The following ASPHD1 variants were observed in gnomAD, a reference collection of about 807,000 sequenced individuals.
ASPHD1 encodes aspartate beta-hydroxylase domain-containing protein 1.
A neutral mutation model predicts 28.3 loss-of-function variants in ASPHD1; 20 were observed. The observed-to-expected ratio is 0.71, with a 90% CI of 0.50 to 1.03. ASPHD1 has a LOEUF of 1.03. Among genes scored for constraint, ASPHD1 ranks in the 50% least tolerant of loss-of-function variants. The pLI is 0.00. For missense variants in ASPHD1, 479 were observed against 524.1 expected (o/e 0.91, Z 0.84); for synonymous variants, 240 against 221.2 (o/e 1.08, Z -0.75).
rs773698016 is a variant in ASPHD1 at position 29,901,747 on chromosome 16, G to A, written c.776G>A (p.Arg259Gln). Residue 259 changes from arginine (R) to glutamine (Q), a missense_variant, in exon 1 of 3, where the codon CGG becomes CAG. Physicochemically the swap from Arg to Gln is conservative, Grantham distance 43 (BLOSUM62 1). Coordinates refer to ENST00000308748, the MANE Select transcript of ASPHD1 (RefSeq NM_181718.4). This position sits in a 1 kb window ranked among gnomAD's most constrained non-coding sequence, Gnocchi z 5.1. ...CYQLLLYQAG[R>Q]CQPSNCRRCP... ...CAGCTCCTGCTGTACCAAGCAGGCC[G>A]GTGCCAACCCAGCAACTGCCGCCGG... 18 of 1,552,468 alleles carry A rather than the reference G, an allele frequency of 1.2e-5. No individual in the cohort carries two copies. In the African/African-American group the frequency reaches 1.8e-4, roughly 15 times the overall value.
intron 3 of ASPHD1, chr16:29,912,042 CT>C (rs766440565): frequency 1.9e-6 from 3 of 1,604,268 alleles, no homozygotes; most frequent in Admixed American, 1.7e-5. Flanking sequence ...CAGCGTCTCC[CT>C]TTTTTGCTGG....
intron 1 of ASPHD1, among the ~76,000 whole-genome samples, chr16:29,903,221 T>C (rs940218862): frequency 2.0e-5 from 3 of 151,804 alleles, no homozygotes; most frequent in African/African-American, 7.3e-5. Context: ...CTGGGTGTGG[T>C]GTCGCATGCC....
Position 29,906,053 on chromosome 16 carries a change from C to T in ASPHD1, c.*156C>T. Reference sequence around the variant, plus strand: ...TGAAATATAAATTCTGAATCCTCTCCTAACTCCCGACTACTTCCTTCGCAG... The same window carrying T: ...TGAAATATAAATTCTGAATCCTCTCTTAACTCCCGACTACTTCCTTCGCAG... On this transcript the variant is annotated 3_prime_UTR_variant, in exon 3 of 3. Coordinates refer to ENST00000308748, the MANE Select transcript of ASPHD1 (RefSeq NM_181718.4). 1.8e-6 allele frequency: 1 copy of T among 549,876 alleles called. No homozygotes were observed. The highest frequency in any genetic ancestry group is 3.2e-6 in the Non-Finnish European group (1 of 316,974). The allele number at this position is 549,876 out of a possible 1,614,324, so 34.1% of individuals were successfully genotyped here.
At chr16:29,919,598 T>G (rs1335104751) in exon 4 of ASPHD1, 1 of 152,162 alleles carries the variant, frequency 6.6e-6, no homozygotes, top group Non-Finnish European at 1.5e-5. Flanking sequence ...AAAACACATT[T>G]CTGGAACAAC....
At chr16:29,910,956 T>C (rs1235150408), downstream of ASPHD1, 2 of 1,606,072 alleles carry the variant, frequency 1.2e-6, no homozygotes, top group Admixed American at 1.7e-5. Flanking sequence ...GCCCCCAACA[T>C]AGGCTCTGGA....
intron 3 of ASPHD1, chr16:29,911,732 T>C: frequency 6.8e-7 from 1 of 1,468,402 alleles, no homozygotes; most frequent in East Asian, 2.3e-5. Context: ...GCCCCCCGTG[T>C]GGCCGTGGCC....
rs1281411595 is a variant in ASPHD1 at position 29,900,761 on chromosome 16, G to A, written c.-211G>A. 1 of 601,534 alleles carries A rather than the reference G, an allele frequency of 1.7e-6. No individual in the cohort carries two copies. Among genetic ancestry groups the A allele is most frequent in the East Asian group, 2.8e-5 (1 of 35,436 alleles). 37.3% of individuals were successfully genotyped at this position (601,534 alleles called of 1,614,324 possible). A position where few individuals can be genotyped will look rare whatever the true frequency, so the allele number is the denominator to read the frequency against. On this transcript the variant is annotated 5_prime_UTR_variant, in exon 1 of 3. Transcript: ENST00000308748. ...GGCAGGGTAGGAACCGCTGCCCAGGGGAGCTAGGAGGAAGCGGGGAGAGAG... is the reference window on the plus strand; with the variant it reads ...GGCAGGGTAGGAACCGCTGCCCAGGAGAGCTAGGAGGAAGCGGGGAGAGAG...
intron 3 of ASPHD1, chr16:29,911,716 T>G: frequency 7.6e-7 from 1 of 1,314,666 alleles, no homozygotes; most frequent in Non-Finnish European, 1.1e-6. Flanking sequence ...ACAGATGTTC[T>G]TGTAGGCCCC....
Position 29,905,999 on chromosome 16 carries a change from GC to G in ASPHD1, c.*103del. Reference sequence around the variant, plus strand: ...CTCTCTACTGCGGGGGTGGGCGGGGGCGGAGGATGGGAACTGGCTAGTGAGC... The same window carrying G: ...CTCTCTACTGCGGGGGTGGGCGGGGGGGAGGATGGGAACTGGCTAGTGAGC... On this transcript the variant is annotated 3_prime_UTR_variant, in exon 3 of 3. Transcript: ENST00000308748. 2 of 672,324 alleles carry G rather than the reference GC, an allele frequency of 3.0e-6. No homozygotes were observed. Among genetic ancestry groups the G allele is most frequent in the Non-Finnish European group, 5.0e-6 (2 of 401,850 alleles). 41.6% of individuals were successfully genotyped at this position (672,324 alleles called of 1,614,324 possible).
At chr16:29,906,726 G>A (rs2068619715), downstream of ASPHD1, 3 of 707,136 alleles carry the variant, frequency 4.2e-6, no homozygotes, top group East Asian at 5.4e-5. Context: ...GTGGAGAAGG[G>A]CCAAAGTGAG....
chr16:29,911,133 C>G, intron 3 of ASPHD1: 1 of 1,614,158 alleles, frequency 6.2e-7, no homozygotes, highest in Non-Finnish European at 8.5e-7. Context: ...GCCAGCTTGT[C>G]GAACAGCTCG....
At chr16:29,914,988 A>C (rs1428492929) in intron 3 of ASPHD1, 1 of 152,348 alleles carries the variant, frequency 6.6e-6, no homozygotes, top group Non-Finnish European at 1.5e-5. Context: ...AAAAAAAAAA[A>C]AGTGGGGCAG....
intron 1 of ASPHD1, among the ~76,000 whole-genome samples, chr16:29,902,820 C>T (rs2068565352): frequency 6.6e-6 from 1 of 150,696 alleles, no homozygotes; most frequent in Non-Finnish European, 1.5e-5. Flanking sequence ...TAGCCCTACA[C>T]CTTCTTTTTT....
rs1200994448 is a variant in ASPHD1 at position 29,905,664 on chromosome 16, A to G, written c.1064-124A>G. On this transcript the variant is annotated intron_variant, in intron 2 of 2. Transcript: ENST00000308748. Reference sequence around the variant, plus strand: ...AAAAAAAAAAAAAAAGATTTGATACATTTAAAGGGTTAGAACAAGGCCTGC... The same window carrying G: ...AAAAAAAAAAAAAAAGATTTGATACGTTTAAAGGGTTAGAACAAGGCCTGC... 2.3e-5 allele frequency: 11 copies of G among 477,812 alleles called. No individual in the cohort carries two copies. The South Asian group carries it at 3.6e-4, about 16-fold the overall frequency. 29.6% of individuals were successfully genotyped at this position (477,812 alleles called of 1,614,324 possible).
At chr16:29,911,309 C>T (rs1298382315) in intron 3 of ASPHD1, 1 of 688,490 alleles carries the variant, frequency 1.5e-6, no homozygotes, top group Non-Finnish European at 2.4e-6. Flanking sequence ...GCCTCCTCCA[C>T]CCCTGGGGCC....
chr16:29,917,656 G>A (rs550528778), intron 3 of ASPHD1, among the ~76,000 whole-genome samples: 2 of 152,244 alleles, frequency 1.3e-5, no homozygotes, highest in South Asian at 4.1e-4. Context: ...GTGCACGCCT[G>A]TAATCCCAGC....
intron 1 of ASPHD1, among the ~76,000 whole-genome samples, chr16:29,902,889 C>CTT (rs1246460346): frequency 7.7e-6 from 1 of 129,806 alleles, no homozygotes; most frequent in Non-Finnish European, 1.6e-5. Context: ...TTTTCTTTTT[C>CTT]TTTTTTTTTT....
chr16:29,907,512 C>T (rs1050266859), downstream of ASPHD1, among the ~76,000 whole-genome samples: 2 of 152,138 alleles, frequency 1.3e-5, no homozygotes, highest in East Asian at 1.9e-4. Flanking sequence ...ACTAGCCTGG[C>T]GCAGTGACTC....
Position 29,900,712 on chromosome 16 carries a change from C to T in ASPHD1, c.-260C>T. The T allele has an allele frequency of 1.8e-6, 1 of 554,784 alleles. No individual in the cohort carries two copies. Among genetic ancestry groups the T allele is most frequent in the Non-Finnish European group, 3.2e-6 (1 of 314,244 alleles). The allele number at this position is 554,784 out of a possible 1,614,324, so 34.4% of individuals were successfully genotyped here. ...AGCTGCCGCGGAGGAAGACAGGCTGCGGGTTCCCGGGACTGCAGGTCCAGG... is the reference window on the plus strand; with the variant it reads ...AGCTGCCGCGGAGGAAGACAGGCTGTGGGTTCCCGGGACTGCAGGTCCAGG... On this transcript the variant is annotated 5_prime_UTR_variant, in exon 1 of 3. Transcript: ENST00000308748.
Sources: gnomAD v4.1 joint callset for allele counts (sites outside exome capture counted in the v4.1 genomes callset) on GRCh38, gnomAD v4.1.1 for gene constraint, Gnocchi (gnomAD v3.1) non-coding constraint, MANE v1.5 for transcripts, NCBI Gene and HGNC (gene_info 2026-07-23, HGNC 2026-07-21) for gene names.